APMAP: variants seen among roughly 807,000 people sequenced by gnomAD.
The protein encoded by APMAP is adipocyte plasma membrane-associated protein.
In APMAP, 33 loss-of-function variants were observed where a neutral mutation model predicts 43.6. The observed-to-expected ratio is 0.76, with a 90% CI of 0.57 to 1.01. The LOEUF is 1.01. Among genes scored for constraint, APMAP ranks in the 50% least tolerant of loss-of-function variants. APMAP has a pLI of 0.00. For missense variants in APMAP, 498 were observed against 540.7 expected, an observed-to-expected ratio of 0.92 and a Z score of 0.78; for synonymous variants, 224 against 216.7, an observed-to-expected ratio of 1.03 and a Z score of -0.30.
chr20:24,989,977 T>C (rs926043338), intron 1 of APMAP, among the ~76,000 whole-genome samples: 4 of 152,244 alleles, frequency 2.6e-5, no homozygotes, highest in African/African-American at 4.8e-5. Context: ...ATTTAATGTA[T>C]TGAAACATAT....
At chr20:24,969,452 T>C (rs991473416) in intron 7 of APMAP, 74 bp downstream of exon 7, 1 of 1,532,050 alleles carries the variant, frequency 6.5e-7, no homozygotes, top group African/African-American at 1.4e-5. Context: ...GTCGATCCCA[T>C]TTCCATGCCC....
At chr20:24,974,572 A>G (rs952235730) in intron 3 of APMAP, among the ~76,000 whole-genome samples, 41 of 152,218 alleles carry the variant, frequency 2.7e-4, no homozygotes, top group Non-Finnish European at 2.9e-5. Context: ...TTCAAAAAAC[A>G]AGACCCAACT....
chr20:24,966,144 G>A (rs533823062), intron 8 of APMAP, among the ~76,000 whole-genome samples: 68 of 152,306 alleles, frequency 4.5e-4, no homozygotes, highest in African/African-American at 1.5e-3. Flanking sequence ...CAGAGCTGAA[G>A]CAGGGACAAT....
In APMAP at chr20:24,972,997, A is replaced by G. The variant is rs143319459; in HGVS notation, c.421+648T>C. Among the ~76,000 whole-genome samples the G allele has an allele frequency of 1.8e-4, 28 of 152,356 alleles. No individual in the cohort carries two copies. The East Asian group carries it at 5.4e-3, about 29-fold the overall frequency. On this transcript the variant is annotated intron_variant, in intron 4 of 8. Coordinates refer to ENST00000217456, the MANE Select transcript of APMAP (RefSeq NM_020531.3). ...ATGTCCATGAACAAAAAGATGTCTG[A>G]AAAGTGAACCACTAAAATGTTCATA...
At chr20:24,973,885 G>T in intron 3 of APMAP, 148 bp from the exon 4 acceptor site, 1 of 689,086 alleles carries the variant, frequency 1.5e-6, no homozygotes, top group Non-Finnish European at 2.4e-6. Context: ...AGCAATTTCT[G>T]GGAATATGAA....
At chr20:24,967,370 T>C (rs1299452088) in intron 8 of APMAP, among the ~76,000 whole-genome samples, 3 of 152,248 alleles carry the variant, frequency 2.0e-5, no homozygotes, top group East Asian at 3.9e-4. Context: ...TCCAAGTCCA[T>C]GGGGCTGTGG....
rs149732546 is a variant in APMAP, at chr20:24,971,519, T to C, written c.479A>G (p.Asn160Ser). 1.4e-3 allele frequency: 2,288 copies of C among 1,614,224 alleles called. 12 individuals carry two copies. Among genetic ancestry groups the C allele is most frequent in the South Asian group, 3.0e-3 (277 of 91,090 alleles). The part of the protein sequence containing the change: ...GRPLGIRAGP[N>S]GTLFVADAYK... Reference sequence around the variant, plus strand: ...TGCATCGGCCACAAAGAGAGTCCCATTGGGCCCTGCACGGATACCCAGGGG... The same window carrying C: ...TGCATCGGCCACAAAGAGAGTCCCACTGGGCCCTGCACGGATACCCAGGGG... Residue 160 changes from asparagine (N) to serine (S), a missense_variant, in exon 5 of 9, where the codon AAT (asparagine) becomes AGT (serine). Asn to Ser is a conservative substitution (Grantham distance 46). Transcript: ENST00000217456.
chr20:24,988,670 T>A (rs2088167588), intron 1 of APMAP, among the ~76,000 whole-genome samples: 1 of 152,154 alleles, frequency 6.6e-6, no homozygotes, highest in African/African-American at 2.4e-5. Context: ...GCCTGCGAAC[T>A]CTTTCATCGG....
chr20:24,969,529 C>T lies in APMAP; in HGVS notation c.845G>A (p.Arg282Gln), dbSNP rs35097515. 1.6e-5 allele frequency: 26 copies of T among 1,611,200 alleles called. No homozygotes were observed. The highest frequency in any genetic ancestry group is 1.5e-4 in the African/African-American group (11 of 75,004). ...LVAETTMARI[R>Q]RVYVSGLMKG... Reference sequence around the variant, plus strand: ...GCTCAGCTAATCCCACACACACCTTCGTATCCTGGCCATGGTTGTTTCTGC... The same window carrying T: ...GCTCAGCTAATCCCACACACACCTTTGTATCCTGGCCATGGTTGTTTCTGC... The change falls in exon 7 of 9, where the codon CGA becomes CAA. Residue 282 changes from arginine (R) to glutamine (Q), a missense_variant. Arg to Gln is a conservative substitution (Grantham distance 43). Transcript: ENST00000217456.
chr20:24,991,128 C>T (rs144734679), intron 1 of APMAP, among the ~76,000 whole-genome samples: 10 of 152,324 alleles, frequency 6.6e-5, no homozygotes, highest in Non-Finnish European at 1.0e-4. Flanking sequence ...GTTGGGACTA[C>T]CTAACCGGTG....
intron 4 of APMAP, among the ~76,000 whole-genome samples, chr20:24,972,200 G>C (rs1208177800): frequency 6.9e-6 from 1 of 144,028 alleles, no homozygotes; most frequent in Non-Finnish European, 1.5e-5. Context: ...GGTGTTCACT[G>C]TGAGGTACTC....
intron 8 of APMAP, among the ~76,000 whole-genome samples, chr20:24,965,059 A>G (rs2087931487): frequency 1.3e-5 from 2 of 152,162 alleles, no homozygotes; most frequent in Non-Finnish European, 2.9e-5. Context: ...TTTCCCAGAA[A>G]GCTCTCAAAT....
chr20:24,977,980 C>T (rs574763586), intron 3 of APMAP, among the ~76,000 whole-genome samples: 16 of 152,300 alleles, frequency 1.1e-4, no homozygotes, highest in African/African-American at 3.4e-4. Flanking sequence ...GCTGGTCAAA[C>T]GTCACTAGAA....
chr20:24,979,167 C>A lies in APMAP; in HGVS notation c.213-285G>T, dbSNP rs180837970. Among the ~76,000 whole-genome samples, 1,447 of 152,328 alleles carry A rather than the reference C, an allele frequency of 9.5e-3. 39 individuals are homozygous for A. Among genetic ancestry groups the A allele is most frequent in the Non-Finnish European group, 8.0e-3 (546 of 68,016 alleles). ...CACCCATCCTCCAGCCTCCCCAGCT[C>A]CCCACCCCCATCCAATGCCTCAGGG... On this transcript the variant is annotated intron_variant, in intron 2 of 8. Transcript: ENST00000217456.
At position 24,968,997 on chromosome 20, in the gene APMAP, G is replaced by A. The variant is rs1223071016; in HGVS notation, c.936C>T (p.Ser312=). 5 of 1,613,956 alleles carry A rather than the reference G, an allele frequency of 3.1e-6. No individual in the cohort carries two copies. The highest frequency in any genetic ancestry group is 4.2e-6 in the Non-Finnish European group (5 of 1,179,970). ...PGFPDNIRPS[S]SGGYWVGMST... ...ACATGCCCACCCAGTACCCCCCAGA[G>A]CTGCTGGGCCGGATGTTGTCTGGAA... The change falls in exon 8 of 9, where the codon AGC becomes AGT. Residue 312 remains serine, a synonymous_variant. Coordinates refer to ENST00000217456, the MANE Select transcript of APMAP (RefSeq NM_020531.3).
chr20:24,976,098 C>T (rs1042921199), intron 3 of APMAP, among the ~76,000 whole-genome samples: 1 of 152,054 alleles, frequency 6.6e-6, no homozygotes, highest in South Asian at 2.1e-4. Context: ...AGGAGAAAAT[C>T]TAGGTATGAT....
chr20:24,971,456 A>G lies in APMAP; in HGVS notation c.538+4T>C, dbSNP rs751906925. On this transcript the variant is annotated splice_donor_region_variant and intron_variant, in intron 5 of 8. Transcript: ENST00000217456. ...ATAGAAGGAAACGAGATATTGTCAC[A>G]TACGTTTCCAGGGATTTACTTCAAA... The G allele has an allele frequency of 2.4e-5, 38 of 1,607,060 alleles. No homozygotes were observed. The highest frequency in any genetic ancestry group is 1.3e-5 in the African/African-American group (1 of 74,780).
At chr20:24,972,666 A>T (rs1178370313) in intron 4 of APMAP, among the ~76,000 whole-genome samples, 2 of 146,716 alleles carry the variant, frequency 1.4e-5, no homozygotes, top group Non-Finnish European at 3.0e-5. Flanking sequence ...TTTGTGGGTC[A>T]TTAACTGTAG....
At chr20:24,967,566 T>TG (rs1392760842) in intron 8 of APMAP, among the ~76,000 whole-genome samples, 2 of 152,248 alleles carry the variant, frequency 1.3e-5, no homozygotes, top group Non-Finnish European at 2.9e-5. Flanking sequence ...ACACCTGCTC[T>TG]GATGGTATGC....
Sources: allele counts gnomAD v4.1 joint callset (sites outside exome capture counted in the v4.1 genomes callset), GRCh38; gene constraint gnomAD v4.1.1; transcripts MANE v1.5; gene names NCBI Gene and HGNC (gene_info 2026-07-23, HGNC 2026-07-21).